Variants in MOSPD1 observed in about 807,000 individuals in gnomAD.
MOSPD1 encodes motile sperm domain containing 1.
In MOSPD1, 5 loss-of-function variants were observed where a neutral mutation model predicts 16.7. That is an observed-to-expected ratio of 0.30 (90% confidence interval 0.16 to 0.63). The LOEUF (loss-of-function observed/expected upper bound fraction) is 0.63, where lower values mean the gene tolerates loss of function less well. MOSPD1 is among the 30% of genes least tolerant of loss of function. The probability of loss-of-function intolerance (pLI) is 0.82; values close to 1 mark genes in which losing one functional copy is unlikely to be tolerated. For synonymous variants in MOSPD1, 67 were observed against 59.2 expected (o/e 1.13, Z -0.61); for missense variants, 104 against 153.6 (o/e 0.68, Z 1.71).
chrX:134,905,683 G>A (rs745393398), intron 1 of MOSPD1, among the ~76,000 whole-genome samples: 1 of 112,057 alleles, frequency 8.9e-6, no homozygotes, highest in South Asian at 3.6e-4. Context: ...GTATTTTCTA[G>A]TTTATAATCC....
intron 4 of MOSPD1, among the ~76,000 whole-genome samples, chrX:134,893,375 A>AAT (rs35469368): frequency 0.48 from 53,253 of 110,714 alleles, 9,885 homozygotes; most frequent in African/African-American, 0.69. Context: ...GCAAACCCAC[A>AAT]AAAGATAATT....
intron 5 of MOSPD1, among the ~76,000 whole-genome samples, chrX:134,889,444 T>C (rs912216136): frequency 2.7e-5 from 3 of 111,944 alleles, no homozygotes; most frequent in African/African-American, 3.2e-5. Context: ...CTATCAAACA[T>C]ACCTCCTACT....
chrX:134,892,825 G>C (rs1308822704), intron 4 of MOSPD1, among the ~76,000 whole-genome samples: 1 of 111,229 alleles, frequency 9.0e-6, no homozygotes, highest in South Asian at 3.8e-4. Flanking sequence ...TCGGGAGGTG[G>C]AGGTTGCAGT....
intron 1 of MOSPD1, among the ~76,000 whole-genome samples, chrX:134,910,838 G>A (rs1205316947): frequency 8.9e-6 from 1 of 112,069 alleles, no homozygotes; most frequent in Non-Finnish European, 1.9e-5. Context: ...TGGGGGTTTA[G>A]ACTTGATTCC....
At chrX:134,913,057 T>C (rs763399098) in intron 1 of MOSPD1, among the ~76,000 whole-genome samples, 3 of 108,835 alleles carry the variant, frequency 2.8e-5, no homozygotes, top group Non-Finnish European at 5.7e-5. Flanking sequence ...TGGCCAACAT[T>C]GGGAAATCCC....
At chrX:134,899,562 A>C in intron 1 of MOSPD1, 28 bp from the exon 2 acceptor site, 1 of 649,642 alleles carries the variant, frequency 1.5e-6, no homozygotes, top group Non-Finnish European at 2.3e-6. Flanking sequence ...AAGCGAGAAG[A>C]AAAGTGAATG....
intron 4 of MOSPD1, 85 bp from the exon 5 acceptor site, chrX:134,891,725 G>A: frequency 7.5e-6 from 7 of 930,965 alleles, no homozygotes; most frequent in Middle Eastern, 2.9e-4. Flanking sequence ...CCACAGACCA[G>A]TATTCTGATT....
At chrX:134,913,923 C>A (rs1445034290) in intron 1 of MOSPD1, among the ~76,000 whole-genome samples, 1 of 111,804 alleles carries the variant, frequency 8.9e-6, no homozygotes, top group Non-Finnish European at 1.9e-5. Flanking sequence ...CCAAACTTCC[C>A]ACTACCAACT....
At chrX:134,896,112 T>C (rs2082883685) in intron 4 of MOSPD1, among the ~76,000 whole-genome samples, 1 of 111,651 alleles carries the variant, frequency 9.0e-6, no homozygotes, top group Non-Finnish European at 1.9e-5. Flanking sequence ...TGGTTTTCTA[T>C]GGAAAATTTT....
At chrX:134,906,430 C>T (rs1278466169) in intron 1 of MOSPD1, among the ~76,000 whole-genome samples, 1 of 108,751 alleles carries the variant, frequency 9.2e-6, no homozygotes, top group Non-Finnish European at 1.9e-5. Context: ...GTGATCCGCC[C>T]ACCTTGGCCT....
intron 1 of MOSPD1, among the ~76,000 whole-genome samples, chrX:134,902,300 G>C (rs1470250958): frequency 9.2e-6 from 1 of 109,228 alleles, no homozygotes; most frequent in Admixed American, 9.9e-5. Flanking sequence ...CCAGCTACTC[G>C]GGAGGCTAAG....
intron 4 of MOSPD1, among the ~76,000 whole-genome samples, chrX:134,894,060 C>T (rs1388722302): frequency 9.0e-6 from 1 of 111,075 alleles, no homozygotes; most frequent in African/African-American, 3.3e-5. Context: ...TTGTAGGTTT[C>T]CCTTAATTTA....
intron 1 of MOSPD1, among the ~76,000 whole-genome samples, chrX:134,913,477 A>G (rs1186927106): frequency 8.9e-6 from 1 of 112,128 alleles, no homozygotes; most frequent in East Asian, 2.8e-4. Flanking sequence ...TTATTGACCT[A>G]TTAGGGAATG....
chrX:134,901,630 T>C (rs1232725044), intron 1 of MOSPD1, among the ~76,000 whole-genome samples: 1 of 105,617 alleles, frequency 9.5e-6, no homozygotes, highest in African/African-American at 3.5e-5. Flanking sequence ...GCCTAGGTGA[T>C]AGAGCAAGAC....
intron 1 of MOSPD1, among the ~76,000 whole-genome samples, chrX:134,907,495 A>G (rs772621999): frequency 1.8e-5 from 2 of 112,550 alleles, no homozygotes; most frequent in Non-Finnish European, 3.7e-5. Context: ...TCATCAGGGC[A>G]TTAATAATGA....
intron 1 of MOSPD1, among the ~76,000 whole-genome samples, chrX:134,903,509 C>T (rs1252092795): frequency 1.9e-5 from 2 of 106,531 alleles, no homozygotes; most frequent in Non-Finnish European, 3.9e-5. Context: ...GTCAGGAGTT[C>T]GAGACCAGCC....
At chrX:134,906,304 G>A (rs1196928543) in intron 1 of MOSPD1, among the ~76,000 whole-genome samples, 4 of 102,203 alleles carry the variant, frequency 3.9e-5, no homozygotes, top group Non-Finnish European at 5.9e-5. Context: ...TCAGCCTCCC[G>A]AGTAGCTGGG....
rs1158955939 is a variant in MOSPD1 at position 134,899,325 on chromosome X, C to T, written c.109G>A (p.Val37Met). The T allele has an allele frequency of 1.7e-5, 20 of 1,193,547 alleles. No homozygotes were observed. Among genetic ancestry groups the T allele is most frequent in the East Asian group, 5.9e-5 (2 of 33,620 alleles). ...TCATAGGGATTGTACAGTGTCAACACTTGCTTATGTGTTGACTGATCATCT... is the reference window on the plus strand; with the variant it reads ...TCATAGGGATTGTACAGTGTCAACATTTGCTTATGTGTTGACTGATCATCT... ...YADDQSTHKQVLTLYNPYEFA... is the reference protein window; with the variant it reads ...YADDQSTHKQMLTLYNPYEFA... Residue 37 changes from valine to methionine, a missense_variant, in exon 2 of 6, where the codon GTG (valine) becomes ATG (methionine). By Grantham distance (21) the Val-to-Met change is conservative (BLOSUM62 1). This residue lies in a region of MOSPD1 where 21 missense variants were observed against 52.6 expected (regional missense o/e 0.40). Coordinates refer to ENST00000370783, the MANE Select transcript of MOSPD1 (RefSeq NM_019556.3).
In MOSPD1 at chrX:134,899,439, C is replaced by A; in HGVS notation, c.-6G>T. The A allele has an allele frequency of 8.6e-7, 1 of 1,157,306 alleles. No individual in the cohort carries two copies. Among genetic ancestry groups the A allele is most frequent in the Non-Finnish European group, 1.1e-6 (1 of 873,821 alleles). ...TGTCTTTTTTGTTGATGCATTGGCA[C>A]TGAATCCCCCTTGCTGCAGTTTCTG... On this transcript the variant is annotated 5_prime_UTR_variant, in exon 2 of 6. Transcript: ENST00000370783.
Sources: gnomAD v4.1 joint callset for allele counts (sites outside exome capture counted in the v4.1 genomes callset) on GRCh38, gnomAD v4.1.1 for gene constraint, gnomAD v4.1.1 regional missense constraint, MANE v1.5 for transcripts, NCBI Gene and HGNC (gene_info 2026-07-23, HGNC 2026-07-21) for gene names.